Variants in AKIP1 observed in about 807,000 individuals in gnomAD.
AKIP1 encodes A-kinase-interacting protein 1.
Under a neutral mutation model 22.3 loss-of-function variants are expected in AKIP1, and 18 were observed. The ratio of observed to expected loss-of-function variants is 0.81; its 90% confidence interval spans 0.56 to 1.19. The LOEUF is 1.19. Ranked by LOEUF, AKIP1 falls within the 50% of genes most tolerant of loss-of-function variation. The pLI, the probability that AKIP1 is intolerant of heterozygous loss-of-function variation, is 0.00. For synonymous variants in AKIP1, 120 were observed against 102.7 expected, an observed-to-expected ratio of 1.17 and a Z score of -1.02; for missense variants, 287 against 264.6, an observed-to-expected ratio of 1.08 and a Z score of -0.59.
At chr11:8,914,353 C>T (rs1410120303) in intron 3 of AKIP1, among the ~76,000 whole-genome samples, 1 of 152,206 alleles carries the variant, frequency 6.6e-6, no homozygotes, top group Non-Finnish European at 1.5e-5. Context: ...AAAAGGGCTG[C>T]AGAGCAGCTC....
At position 8,911,237 on chromosome 11, in the gene AKIP1, C is replaced by T. The variant is rs141902783; in HGVS notation, c.-7+14C>T. On this transcript the variant is annotated intron_variant, in intron 1 of 5. Transcript: ENST00000309377. ...CGAGTGAGCCGGGTGAGGGGGCTCC[C>T]TAAGTAGCGGAAGGGGTAGATGAAA... 318 of 572,352 alleles carry T rather than the reference C, an allele frequency of 5.6e-4. No homozygotes were observed. Among genetic ancestry groups the T allele is most frequent in the Non-Finnish European group, 8.6e-4 (278 of 323,420 alleles). 35.5% of individuals were successfully genotyped at this position (572,352 alleles called of 1,614,324 possible).
chr11:8,915,819 CTT>C (rs1258666817), intron 4 of AKIP1, among the ~76,000 whole-genome samples: 5 of 123,994 alleles, frequency 4.0e-5, no homozygotes, highest in Non-Finnish European at 1.7e-5. Flanking sequence ...ATTTTTCTTT[CTT>C]TTTTTTTTTT....
At position 8,914,858 on chromosome 11, in the gene AKIP1, G is replaced by C; in HGVS notation, c.336G>C (p.Gly112=). 6.2e-7 allele frequency: 1 copy of C among 1,613,920 alleles called. No individual in the cohort carries two copies. Among genetic ancestry groups the C allele is most frequent in the Non-Finnish European group, 8.5e-7 (1 of 1,179,932 alleles). Residue 112 remains glycine, a synonymous_variant, in exon 4 of 6, where the codon GGG becomes GGC. Transcript: ENST00000309377. ...ATTCATCTGTGCCAGAGGAAGGAGG[G>C]GCAACCCATGTCTATCGTTATCACA... ...KYYSSVPEEG[G]ATHVYRYHRG... is the part of the protein sequence containing the mutation.
chr11:8,913,326 T>C (rs1272863865), intron 3 of AKIP1, among the ~76,000 whole-genome samples: 1 of 152,002 alleles, frequency 6.6e-6, no homozygotes, highest in Non-Finnish European at 1.5e-5. Context: ...TAGCTGGGAC[T>C]ACAGGCACAT....
Position 8,912,489 on chromosome 11 carries a change from A to G in AKIP1, c.259A>G (p.Arg87Gly). 6.2e-7 allele frequency: 1 copy of G among 1,614,164 alleles called. No individual in the cohort carries two copies. Among genetic ancestry groups the G allele is most frequent in the Non-Finnish European group, 8.5e-7 (1 of 1,179,980 alleles). ...ERPPTLSASF[R>G]TMAEFMDYTS... ...ACCCCCAACCCTTAGTGCTTCCTTC[A>G]GAACAATGGCTGAATTCATGGACTA... Residue 87 changes from arginine (R) to glycine (G), a missense_variant, in exon 3 of 6, where the codon AGA becomes GGA. Arg to Gly is a moderately radical substitution (Grantham distance 125). Transcript: ENST00000309377.
intron 4 of AKIP1, 68 bp downstream of exon 4, chr11:8,914,998 G>A (rs1428819898): frequency 4.0e-6 from 5 of 1,246,430 alleles, no homozygotes; most frequent in East Asian, 2.4e-5. Flanking sequence ...ATATTCAAGA[G>A]CCCCTGCTAG....
intron 4 of AKIP1, among the ~76,000 whole-genome samples, chr11:8,916,837 G>A (rs2064493230): frequency 6.6e-6 from 1 of 152,234 alleles, no homozygotes; most frequent in Admixed American, 6.5e-5. Flanking sequence ...CCTTTAAAAT[G>A]TAAGTTCCCT....
chr11:8,911,467 G>C lies in AKIP1; in HGVS notation c.18G>C (p.Ala6=), dbSNP rs749921346. 1 of 1,600,186 alleles carries C rather than the reference G, an allele frequency of 6.2e-7. No homozygotes were observed. The highest frequency in any genetic ancestry group is 8.5e-7 in the Non-Finnish European group (1 of 1,173,678). Residue 6 remains alanine, a synonymous_variant, in exon 2 of 6, where the codon GCG becomes GCC. Coordinates refer to ENST00000309377, the MANE Select transcript of AKIP1 (RefSeq NM_020642.4). The part of the protein sequence containing the change: MDNCL[A]AAALNGVDRR... ...AGGGAGCCATGGACAACTGTTTGGC[G>C]GCCGCAGCGCTGAATGGGGTGGACC...
At position 8,912,488 on chromosome 11, in the gene AKIP1, C is replaced by T. The variant is rs1169636732; in HGVS notation, c.258C>T (p.Phe86=). 6.2e-7 allele frequency: 1 copy of T among 1,613,978 alleles called. No individual in the cohort carries two copies. Among genetic ancestry groups the T allele is most frequent in the East Asian group, 2.2e-5 (1 of 44,894 alleles). The change falls in exon 3 of 6, where the codon TTC becomes TTT. Residue 86 remains phenylalanine (F), a synonymous_variant. Coordinates refer to ENST00000309377, the MANE Select transcript of AKIP1 (RefSeq NM_020642.4). ...GACCCCCAACCCTTAGTGCTTCCTT[C>T]AGAACAATGGCTGAATTCATGGACT... ...EERPPTLSAS[F]RTMAEFMDYT...
chr11:8,912,639 C>T (rs574047902), intron 3 of AKIP1, 106 bp downstream of exon 3: 1 of 1,002,868 alleles, frequency 1.0e-6, no homozygotes, highest in African/African-American at 1.6e-5. Flanking sequence ...TTCTCCTGCC[C>T]AGCCTTCACG....
At chr11:8,911,377 G>C in intron 1 of AKIP1, 67 bp from the exon 2 acceptor site, 6 of 1,414,922 alleles carry the variant, frequency 4.2e-6, no homozygotes, top group Non-Finnish European at 5.7e-6. Flanking sequence ...GCTCCCACCC[G>C]GATTTGGAGC....
At position 8,919,526 on chromosome 11, in the gene AKIP1, A is replaced by G. The variant is rs1259920269; in HGVS notation, c.*46A>G. ...ACATCACCTTTTTTTAAGTAGTAAG[A>G]ATAAAGCCACTGTATGATTCTCTTA... On this transcript the variant is annotated 3_prime_UTR_variant, in exon 6 of 6. Transcript: ENST00000309377. 2 of 1,595,262 alleles carry G rather than the reference A, an allele frequency of 1.3e-6. No homozygotes were observed. The highest frequency in any genetic ancestry group is 8.6e-7 in the Non-Finnish European group (1 of 1,169,584).
chr11:8,914,953 C>T (rs1261069237), intron 4 of AKIP1, 23 bp downstream of exon 4: 1 of 1,569,006 alleles, frequency 6.4e-7, no homozygotes, highest in East Asian at 2.2e-5. Context: ...AACTGTCCTG[C>T]ACCATGCCTT....
chr11:8,913,594 C>T lies in AKIP1; in HGVS notation c.303+1061C>T, dbSNP rs796761921. On this transcript the variant is annotated intron_variant, in intron 3 of 5. Transcript: ENST00000309377. ...TTCTAGGAATTACAGCAGGCTCTGGCCTCATGCAGTCTTAACACTTGGTGA... is the reference window on the plus strand; with the variant it reads ...TTCTAGGAATTACAGCAGGCTCTGGTCTCATGCAGTCTTAACACTTGGTGA... Among the ~76,000 whole-genome samples the T allele has an allele frequency of 1.3e-4, 20 of 152,300 alleles. 1 individual carries two copies. Among genetic ancestry groups the T allele is most frequent in the African/African-American group, 4.8e-4 (20 of 41,566 alleles).
At chr11:8,912,367 G>T (rs1384059114) in intron 2 of AKIP1, 86 bp from the exon 3 acceptor site, 3 of 1,086,178 alleles carry the variant, frequency 2.8e-6, no homozygotes, top group Non-Finnish European at 2.8e-6. Context: ...CTTTCCAAAA[G>T]TAAAAAGGAG....
rs1133833 is a variant in AKIP1 at position 8,911,517 on chromosome 11, G to A, written c.68G>A (p.Arg23Lys). 374,713 of 1,608,312 alleles carry A rather than the reference G, an allele frequency of 0.23. 47,255 individuals are homozygous for A. The highest frequency in any genetic ancestry group is 0.35 in the Middle Eastern group (2,102 of 6,052). The change falls in exon 2 of 6, where the codon AGG becomes AAG. Residue 23 changes from arginine (R) to lysine (K), a missense_variant. By Grantham distance (26) the Arg-to-Lys change is conservative (BLOSUM62 2). Coordinates refer to ENST00000309377, the MANE Select transcript of AKIP1 (RefSeq NM_020642.4). ...CGACGTTCCCTGCAGCGTTCAGCAA[G>A]GCTGGCTCTAGAAGTGCTGGAGAGG... ...VDRRSLQRSARLALEVLERAK... is the reference protein window; with the variant it reads ...VDRRSLQRSAKLALEVLERAK...
intron 1 of AKIP1, 24 bp from the exon 2 acceptor site, chr11:8,911,420 T>A: frequency 6.5e-7 from 1 of 1,544,362 alleles, no homozygotes; most frequent in Non-Finnish European, 8.8e-7. Context: ...CCCGCCGGCG[T>A]TTGTACGTTG....
intron 1 of AKIP1, 29 bp downstream of exon 1, chr11:8,911,252 G>A: frequency 1.7e-6 from 1 of 590,404 alleles, no homozygotes; most frequent in Non-Finnish European, 3.0e-6. Flanking sequence ...TAGCGGAAGG[G>A]GTAGATGAAA....
At chr11:8,915,758 C>T in intron 4 of AKIP1, among the ~76,000 whole-genome samples, 1 of 151,572 alleles carries the variant, frequency 6.6e-6, no homozygotes, top group East Asian at 1.9e-4. Flanking sequence ...GCCTCAGCCT[C>T]CCAAGTAGCT....
Sources: gnomAD v4.1 joint callset for allele counts (sites outside exome capture counted in the v4.1 genomes callset) on GRCh38, gnomAD v4.1.1 for gene constraint, MANE v1.5 for transcripts, NCBI Gene and HGNC (gene_info 2026-07-23, HGNC 2026-07-21) for gene names.